WDPCP: variants seen among roughly 807,000 people sequenced by gnomAD.
The protein encoded by WDPCP is WD repeat containing planar cell polarity effector, also known as WD repeat-containing and planar cell polarity effector protein fritz homolog.
WDPCP carries 71 observed loss-of-function variants against 93.1 expected under a neutral mutation model. The observed-to-expected ratio is 0.76, with a 90% CI of 0.63 to 0.93. WDPCP has a LOEUF of 0.93. Among genes scored for constraint, WDPCP ranks in the 40% least tolerant of loss-of-function variants. The pLI is 0.00. For synonymous variants in WDPCP, 315 were observed against 315.0 expected (o/e 1.00, Z 0.00); for missense variants, 844 against 887.4 (o/e 0.95, Z 0.62).
At chr2:63,616,578 T>C (rs1253216398) in intron 3 of WDPCP, among the ~76,000 whole-genome samples, 3 of 152,220 alleles carry the variant, frequency 2.0e-5, no homozygotes, top group Non-Finnish European at 4.4e-5. Flanking sequence ...AACGAAATAA[T>C]TTTAAGATTC....
intron 10 of WDPCP, among the ~76,000 whole-genome samples, chr2:63,388,448 G>A (rs192882776): frequency 2.6e-5 from 4 of 152,290 alleles, no homozygotes; most frequent in African/African-American, 9.6e-5. Flanking sequence ...GGAGAAATCA[G>A]AACAGAAAAG....
intron 2 of WDPCP, among the ~76,000 whole-genome samples, chr2:63,688,854 A>C (rs982438631): frequency 6.6e-6 from 1 of 152,158 alleles, no homozygotes; most frequent in Non-Finnish European, 1.5e-5. Context: ...TTAAAAGGTG[A>C]TTAGGTCATG....
intron 1 of WDPCP, among the ~76,000 whole-genome samples, chr2:63,815,249 C>T (rs1360724115): frequency 6.6e-6 from 1 of 152,082 alleles, no homozygotes; most frequent in East Asian, 1.9e-4. Flanking sequence ...AGTAGTGAAG[C>T]CACTCACCAG....
chr2:63,326,309 C>A (rs1248281697), intron 12 of WDPCP, among the ~76,000 whole-genome samples: 1 of 152,108 alleles, frequency 6.6e-6, no homozygotes, highest in Non-Finnish European at 1.5e-5. Flanking sequence ...TCTTGGAGGT[C>A]CCCTTGGCTA....
intron 15 of WDPCP, among the ~76,000 whole-genome samples, chr2:63,168,218 T>C (rs900437240): frequency 4.6e-5 from 7 of 152,136 alleles, no homozygotes; most frequent in African/African-American, 1.7e-4. Context: ...GTGACTTCTA[T>C]ATTATTTGTT....
chr2:63,820,508 T>C (rs1671002061), intron 1 of WDPCP, among the ~76,000 whole-genome samples: 2 of 152,156 alleles, frequency 1.3e-5, no homozygotes, highest in African/African-American at 4.8e-5. Flanking sequence ...TAAGCACATG[T>C]TAAGCTTGTG....
intron 17 of WDPCP, among the ~76,000 whole-genome samples, chr2:63,126,323 TAAA>T (rs1254864542): frequency 1.3e-5 from 2 of 152,178 alleles, no homozygotes; most frequent in South Asian, 4.1e-4. Context: ...AAAAAATTAA[TAAA>T]AACAATAATC....
rs572083620 is a variant in WDPCP, at chr2:63,158,575, G to A, written c.2079-5001C>T. On this transcript the variant is annotated intron_variant, in intron 15 of 17. Transcript: ENST00000272321. ...AATCTACTGGAAACATATTTACTAA[G>A]TTTTCCTTCACCAAATTTGAAGTTT... Among the ~76,000 whole-genome samples the A allele has an allele frequency of 1.9e-4, 29 of 152,038 alleles. No individual in the cohort carries two copies. The South Asian group carries it at 2.5e-3, about 13-fold the overall frequency.
chr2:63,431,167 T>TA (rs397701678), intron 9 of WDPCP, among the ~76,000 whole-genome samples: 3 of 151,598 alleles, frequency 2.0e-5, no homozygotes, highest in Non-Finnish European at 4.4e-5. Context: ...ACATTTTTTT[T>TA]AAGTTTGCTG....
chr2:63,380,697 T>C (rs534091463), intron 11 of WDPCP, among the ~76,000 whole-genome samples: 1 of 152,262 alleles, frequency 6.6e-6, no homozygotes, highest in South Asian at 2.1e-4. Context: ...CATGCCAGCC[T>C]GAGCAACAGA....
At position 63,433,954 on chromosome 2, in the gene WDPCP, G is replaced by C; in HGVS notation, c.634-18C>G. 6.2e-7 allele frequency: 1 copy of C among 1,610,488 alleles called. No homozygotes were observed. Among genetic ancestry groups the C allele is most frequent in the Non-Finnish European group, 8.5e-7 (1 of 1,177,490 alleles). On this transcript the variant is annotated intron_variant, in intron 8 of 17. Coordinates refer to ENST00000272321, the MANE Select transcript of WDPCP (RefSeq NM_015910.7). ...TAGAAAATCTAACAATTTTAAAAAA[G>C]CATACATGAAACATTTCTTTTAAAA...
chr2:63,599,060 A>C (rs1369583511), intron 3 of WDPCP: 4 of 1,008,926 alleles, frequency 4.0e-6, no homozygotes, highest in Non-Finnish European at 5.6e-6. Context: ...GTGTTTCCCA[A>C]GCCTCCCCTG....
intron 14 of WDPCP, among the ~76,000 whole-genome samples, chr2:63,244,096 A>G (rs1392561955): frequency 6.6e-6 from 1 of 152,178 alleles, no homozygotes; most frequent in African/African-American, 2.4e-5. Context: ...AAACCACACA[A>G]TTACATGGAA....
intron 14 of WDPCP, among the ~76,000 whole-genome samples, chr2:63,220,336 AG>A (rs1456574345): frequency 2.0e-5 from 3 of 152,260 alleles, no homozygotes; most frequent in African/African-American, 7.2e-5. Flanking sequence ...GAAAAAGAGA[AG>A]GGGGCTAAAT....
intron 2 of WDPCP, among the ~76,000 whole-genome samples, chr2:63,695,333 A>G (rs1668948894): frequency 6.6e-6 from 1 of 152,182 alleles, no homozygotes; most frequent in Non-Finnish European, 1.5e-5. Context: ...ACTTTGTTAT[A>G]TTGATGAAGA....
chr2:63,688,978 C>T (rs894102164), intron 2 of WDPCP, among the ~76,000 whole-genome samples: 1 of 152,034 alleles, frequency 6.6e-6, no homozygotes, highest in African/African-American at 2.4e-5. Context: ...TCTCTCTTGC[C>T]CTCTTTGACT....
chr2:63,576,178 T>G (rs1464073702), intron 1 of WDPCP, among the ~76,000 whole-genome samples: 8 of 152,154 alleles, frequency 5.3e-5, no homozygotes, highest in Admixed American at 5.2e-4. Context: ...TCTGACATTA[T>G]CTACCTAGAG....
intron 2 of WDPCP, among the ~76,000 whole-genome samples, chr2:63,690,703 T>G (rs745306765): frequency 2.0e-5 from 3 of 152,116 alleles, no homozygotes; most frequent in Admixed American, 1.3e-4. Flanking sequence ...ATCGTGCCAC[T>G]TCACTTCAGC....
chr2:63,582,331 T>C (rs1453642484), intron 1 of WDPCP, among the ~76,000 whole-genome samples: 2 of 152,100 alleles, frequency 1.3e-5, no homozygotes, highest in Admixed American at 6.5e-5. Context: ...ACTGGTGTCC[T>C]TGAAAACCTA....
Sources: allele counts gnomAD v4.1 joint callset (sites outside exome capture counted in the v4.1 genomes callset), GRCh38; gene constraint gnomAD v4.1.1; transcripts MANE v1.5; gene names NCBI Gene and HGNC (gene_info 2026-07-23, HGNC 2026-07-21).